Variants in DRC3 observed in about 807,000 individuals in gnomAD.
The protein encoded by DRC3 is dynein regulatory complex subunit 3, also known as leucine rich repeat containing 48.
A neutral mutation model predicts 57.6 loss-of-function variants in DRC3; 45 were observed. That is an observed-to-expected ratio of 0.78 (90% confidence interval 0.62 to 1.00). The LOEUF (loss-of-function observed/expected upper bound fraction) is 1.00, where lower values mean the gene tolerates loss of function less well. Ranked by LOEUF, DRC3 falls within the 50% of genes least tolerant of loss-of-function variation. The probability of loss-of-function intolerance (pLI) is 0.00; values close to 1 mark genes in which losing one functional copy is unlikely to be tolerated. For missense variants in DRC3, 655 were observed against 675.2 expected, an observed-to-expected ratio of 0.97 and a Z score of 0.33; for synonymous variants, 257 against 272.3, an observed-to-expected ratio of 0.94 and a Z score of 0.55.
At chr17:17,997,412 C>T (rs11656725) in intron 8 of DRC3, 48 bp from the exon 9 acceptor site, 61,673 of 1,596,866 alleles carry the variant, frequency 0.039, 1,361 homozygotes, top group Middle Eastern at 0.061. Context: ...CCGTGCCCTC[C>T]GCAGCCTGCT....
intron 6 of DRC3, 26 bp from the exon 7 acceptor site, chr17:17,994,273 C>A (rs934217919): frequency 1.3e-6 from 2 of 1,549,274 alleles, no homozygotes; most frequent in Non-Finnish European, 1.7e-6. Flanking sequence ...CCTCTGGTAA[C>A]AATGCCACTC....
intron 12 of DRC3, 71 bp downstream of exon 12, chr17:18,007,218 T>C: frequency 8.9e-6 from 1 of 112,910 alleles, no homozygotes; most frequent in Non-Finnish European, 1.1e-5. Context: ...ACTGAGGCTC[T>C]GTGAGTAAGC....
intron 6 of DRC3, 67 bp from the exon 7 acceptor site, chr17:17,994,232 G>A (rs975570327): frequency 8.5e-6 from 13 of 1,537,824 alleles, no homozygotes; most frequent in South Asian, 3.6e-5. Flanking sequence ...TGGCAGAGGC[G>A]GCATGGCAGA....
At chr17:17,997,140 G>T (rs1286472207) in intron 8 of DRC3, among the ~76,000 whole-genome samples, 1 of 152,158 alleles carries the variant, frequency 6.6e-6, no homozygotes, top group Non-Finnish European at 1.5e-5. Flanking sequence ...CTCTTCTGGG[G>T]CCTCTCTGAG....
intron 12 of DRC3, chr17:18,007,517 T>C: frequency 5.2e-6 from 8 of 1,546,852 alleles, no homozygotes; most frequent in Non-Finnish European, 7.0e-6. Flanking sequence ...AGAGTCTGTA[T>C]AATGAGTACT....
chr17:18,007,161 G>GCGGGC lies in DRC3; in HGVS notation c.1326+15_1326+16insGGGCC. The GCGGGC allele has an allele frequency of 9.4e-7, 1 of 1,059,878 alleles. No individual in the cohort carries two copies. Among genetic ancestry groups the GCGGGC allele is most frequent in the Non-Finnish European group, 1.3e-6 (1 of 748,770 alleles). The allele number at this position is 1,059,878 out of a possible 1,614,324, so 65.7% of individuals were successfully genotyped here. ...GACCTGCGCGCGGTAGGCGGGGCGG[G>GCGGGC]CTGCTCGGAGCCTGACAGATGTGGT... On this transcript the variant is annotated intron_variant, in intron 12 of 13. Coordinates refer to ENST00000399187, the MANE Select transcript of DRC3 (RefSeq NM_031294.4).
At chr17:17,997,765 C>T in intron 9 of DRC3, 131 bp downstream of exon 9, 1 of 872,670 alleles carries the variant, frequency 1.1e-6, no homozygotes. Flanking sequence ...GTTATTGTCC[C>T]CATTTGCCAG....
chr17:17,984,209 T>C (rs1351940766), intron 4 of DRC3, among the ~76,000 whole-genome samples: 1 of 152,172 alleles, frequency 6.6e-6, no homozygotes, highest in Non-Finnish European at 1.5e-5. Flanking sequence ...ACTTTCAGTC[T>C]GGATGGGGTA....
chr17:17,997,844 C>T (rs926721674), intron 9 of DRC3, among the ~76,000 whole-genome samples: 2 of 152,204 alleles, frequency 1.3e-5, no homozygotes, highest in African/African-American at 2.4e-5. Flanking sequence ...CACAGCTCCC[C>T]ACTGCTTGAC....
At chr17:17,983,795 A>T (rs1434645513) in intron 3 of DRC3, 33 bp from the exon 4 acceptor site, 4 of 1,519,144 alleles carry the variant, frequency 2.6e-6, no homozygotes, top group Non-Finnish European at 3.6e-6. Flanking sequence ...TCTGACCCTA[A>T]CCTGAGACTG....
At chr17:18,000,580 A>C (rs769526439) in intron 9 of DRC3, among the ~76,000 whole-genome samples, 4 of 152,156 alleles carry the variant, frequency 2.6e-5, no homozygotes, top group Non-Finnish European at 4.4e-5. Flanking sequence ...CCACTGAATA[A>C]GTTGGTGCAA....
chr17:17,972,831 A>G (rs533098012), upstream of DRC3: 1 of 153,614 alleles, frequency 6.5e-6, no homozygotes, highest in Non-Finnish European at 1.5e-5. Flanking sequence ...CCACACGGAG[A>G]TGTGGTCACG....
At chr17:17,980,316 C>T (rs1025075621) in intron 3 of DRC3, among the ~76,000 whole-genome samples, 1 of 150,622 alleles carries the variant, frequency 6.6e-6, no homozygotes, top group Non-Finnish European at 1.5e-5. Context: ...GAGTCTCGCT[C>T]TGCCGCCCAG....
Position 17,988,038 on chromosome 17 carries a change from C to T in DRC3, c.384C>T (p.Asp128=), listed in dbSNP as rs376256002. ...GGATCTCCAAGATCGACTCCCTGGA[C>T]GCCCTCGTCAAGCTGCAGGTGTTGT... ...NNRISKIDSL[D]ALVKLQVLSL... Residue 128 remains aspartate, a synonymous_variant, in exon 5 of 14, where the codon GAC becomes GAT. Transcript: ENST00000399187. The T allele has an allele frequency of 6.1e-5, 99 of 1,613,884 alleles. No individual in the cohort carries two copies. Among genetic ancestry groups the T allele is most frequent in the Admixed American group, 3.3e-5 (2 of 60,002 alleles).
intron 3 of DRC3, among the ~76,000 whole-genome samples, chr17:17,978,864 G>A (rs2042518811): frequency 6.6e-6 from 1 of 152,220 alleles, no homozygotes; most frequent in Admixed American, 6.5e-5. Flanking sequence ...TACATGCCAG[G>A]TACTGTTCTG....
At chr17:17,985,413 A>G (rs2042913310) in intron 4 of DRC3, among the ~76,000 whole-genome samples, 1 of 152,208 alleles carries the variant, frequency 6.6e-6, no homozygotes, top group South Asian at 2.1e-4. Context: ...CCCTCAGAGT[A>G]TAGGCAGAAG....
intron 5 of DRC3, among the ~76,000 whole-genome samples, chr17:17,991,583 T>C (rs1007191778): frequency 2.6e-5 from 4 of 152,150 alleles, no homozygotes; most frequent in Admixed American, 6.5e-5. Context: ...GGCGTGAGCC[T>C]TGTACCCGGC....
intron 12 of DRC3, among the ~76,000 whole-genome samples, chr17:18,013,798 C>T (rs1387221846): frequency 6.6e-6 from 1 of 152,100 alleles, no homozygotes; most frequent in Non-Finnish European, 1.5e-5. Context: ...TGAATGTTCT[C>T]AACACAAAGA....
At position 17,983,847 on chromosome 17, in the gene DRC3, CCT is replaced by C; in HGVS notation, c.183_184del (p.Trp62AlafsTer3). On this transcript the variant is annotated frameshift_variant, in exon 4 of 14. Coordinates refer to ENST00000399187, the MANE Select transcript of DRC3 (RefSeq NM_031294.4). LOFTEE classifies it high-confidence loss of function. ...TTTCAGACATCCTCCGCATAGACAA[CCT>C]CTGGCAGTTTGAGAACTTGAGGAAG... ...DFRNILRIDN[L>X]WQFENLRKLQ... The C allele has an allele frequency of 1.9e-6, 3 of 1,613,234 alleles. No individual in the cohort carries two copies. Among genetic ancestry groups the C allele is most frequent in the Non-Finnish European group, 2.5e-6 (3 of 1,179,300 alleles).
Sources: allele counts gnomAD v4.1 joint callset (sites outside exome capture counted in the v4.1 genomes callset), GRCh38; gene constraint gnomAD v4.1.1; transcripts MANE v1.5; gene names NCBI Gene and HGNC (gene_info 2026-07-23, HGNC 2026-07-21).